The following PDXDC1 variants were observed in gnomAD, a reference collection of about 807,000 sequenced individuals.
PDXDC1 encodes pyridoxal-dependent decarboxylase domain-containing protein 1.
Under a neutral mutation model 100.1 loss-of-function variants are expected in PDXDC1, and 42 were observed. The observed-to-expected ratio is 0.42, with a 90% CI of 0.33 to 0.54. PDXDC1 has a LOEUF of 0.54. PDXDC1 is among the 20% of genes least tolerant of loss of function. The probability of loss-of-function intolerance (pLI) is 0.10; values close to 1 mark genes in which losing one functional copy is unlikely to be tolerated. For missense variants in PDXDC1, 636 were observed against 979.2 expected (o/e 0.65, Z 4.68); for synonymous variants, 260 against 371.7 (o/e 0.70, Z 3.46).
At position 15,037,546 on chromosome 16, in the gene PDXDC1, TGGGG is replaced by T. The variant is rs1184854162; in HGVS notation, c.*1273_*1276del. On this transcript the variant is annotated 3_prime_UTR_variant, in exon 23 of 23. Coordinates refer to ENST00000396410, the MANE Select transcript of PDXDC1 (RefSeq NM_015027.4). ...GTGCAATGAAGTATAGCAGATAAAATGGGGGAGGGGTAAATTATCACCTTCAAGA... is the reference window on the plus strand; with the variant it reads ...GTGCAATGAAGTATAGCAGATAAAATGAGGGGTAAATTATCACCTTCAAGA... 2.6e-5 allele frequency: 4 copies of T among 153,442 alleles called. No individual in the cohort carries two copies. The highest frequency in any genetic ancestry group is 9.7e-5 in the African/African-American group (4 of 41,378). 9.5% of individuals were successfully genotyped at this position (153,442 alleles called of 1,614,324 possible).
intron 8 of PDXDC1, among the ~76,000 whole-genome samples, chr16:15,013,362 A>G (rs1453697863): frequency 6.6e-6 from 1 of 150,958 alleles, no homozygotes; most frequent in East Asian, 2.0e-4. Context: ...AAAAAAAGAA[A>G]AAAAAAAAAA....
chr16:15,058,953 T>C (rs1235534677), intron 16 of PDXDC1, among the ~76,000 whole-genome samples: 1 of 152,180 alleles, frequency 6.6e-6, no homozygotes, highest in Non-Finnish European at 1.5e-5. Context: ...AGATACATTA[T>C]AAATCCTACT....
chr16:14,993,268 A>G (rs533876691), intron 1 of PDXDC1, among the ~76,000 whole-genome samples: 14 of 150,188 alleles, frequency 9.3e-5, no homozygotes, highest in Admixed American at 3.3e-4. Context: ...CATTAGTTAT[A>G]TCTCCTAATG....
chr16:15,063,704 C>CA (rs10664930), intron 16 of PDXDC1, among the ~76,000 whole-genome samples: 48,085 of 88,930 alleles, frequency 0.54, 13,574 homozygotes, highest in South Asian at 0.66. Flanking sequence ...GACTCTGTCT[C>CA]AAAAAAAAAA....
chr16:15,146,233 C>T, the PDXDC1 span, among the ~76,000 whole-genome samples: 3 of 152,144 alleles, frequency 2.0e-5, no homozygotes, highest in Admixed American at 2.0e-4. Context: ...GAAGAGCCAA[C>T]AGAAAGCCGG....
chr16:15,027,737 C>G (rs1382570734), intron 14 of PDXDC1, among the ~76,000 whole-genome samples: 1 of 152,290 alleles, frequency 6.6e-6, no homozygotes, highest in Non-Finnish European at 1.5e-5. Context: ...CATGACCAGC[C>G]GCTTGTGTCT....
chr16:15,124,627 C>T (rs1161371176), intron 16 of PDXDC1, among the ~76,000 whole-genome samples: 3 of 149,636 alleles, frequency 2.0e-5, no homozygotes, highest in Non-Finnish European at 3.0e-5. Context: ...CAAAAATTAG[C>T]CGGGTGCGGT....
downstream of PDXDC1, chr16:15,038,800 C>T: frequency 1.6e-6 from 1 of 613,816 alleles, no homozygotes; most frequent in East Asian, 2.8e-5. Flanking sequence ...GCCTAAGCTT[C>T]TTAAAACCTG....
chr16:15,026,192 C>CTCT (rs2042588298), intron 13 of PDXDC1: 1 of 170,474 alleles, frequency 5.9e-6, no homozygotes, highest in Admixed American at 6.3e-5. Flanking sequence ...TAATTGAGGC[C>CTCT]AAGAGTTCAA....
intron 8 of PDXDC1, among the ~76,000 whole-genome samples, chr16:15,011,631 C>CTTTTTTTTTTTTTTTTTTTTTTTTTTTTT: frequency 8.4e-5 from 11 of 131,304 alleles, no homozygotes; most frequent in Non-Finnish European, 1.3e-4. Flanking sequence ...ACATTTTTTT[C>CTTTTTTTTTTTTTTTTTTTTTTTTTTTTT]TTTTTTTTTT....
intron 5 of PDXDC1, among the ~76,000 whole-genome samples, chr16:15,006,077 G>T (rs1323253827): frequency 2.0e-5 from 3 of 152,296 alleles, no homozygotes; most frequent in Non-Finnish European, 2.9e-5. Flanking sequence ...TCCAGTGCTG[G>T]CCTTAGTTCA....
chr16:15,122,098 A>T (rs1391607067), intron 16 of PDXDC1, among the ~76,000 whole-genome samples: 1 of 151,698 alleles, frequency 6.6e-6, no homozygotes, highest in East Asian at 1.9e-4. Context: ...CCGGAAGCGG[A>T]GGTTGCAGTG....
chr16:14,991,267 A>ATGTGTG (rs10642182), intron 1 of PDXDC1, among the ~76,000 whole-genome samples: 5,094 of 149,230 alleles, frequency 0.034, 12 homozygotes, highest in East Asian at 0.067. Context: ...GTATATAGAT[A>ATGTGTG]TGTGTGTGTG....
chr16:15,023,852 G>A (rs2042384899), intron 13 of PDXDC1, among the ~76,000 whole-genome samples: 1 of 152,266 alleles, frequency 6.6e-6, no homozygotes, highest in Non-Finnish European at 1.5e-5. Context: ...AGTGCCACAG[G>A]GTGGCCCTGT....
At chr16:15,004,617 G>T (rs1973877812) in intron 5 of PDXDC1, among the ~76,000 whole-genome samples, 1 of 152,242 alleles carries the variant, frequency 6.6e-6, no homozygotes. Flanking sequence ...TATTTGTGGG[G>T]TATCTAATTG....
rs1465741735 is a variant in PDXDC1 at position 15,037,971 on chromosome 16, G to T, written c.*1696G>T. On this transcript the variant is annotated 3_prime_UTR_variant, in exon 23 of 23. Transcript: ENST00000396410. ...ATGTAGGATCCAGATCTGGATTCGT[G>T]CCAGCCCCACCAATGGTCTGTCAGG... 2 of 1,307,300 alleles carry T rather than the reference G, an allele frequency of 1.5e-6. No homozygotes were observed. Among genetic ancestry groups the T allele is most frequent in the Non-Finnish European group, 2.2e-6 (2 of 917,840 alleles). The allele number at this position is 1,307,300 out of a possible 1,614,324, so 81.0% of individuals were successfully genotyped here. A position where few individuals can be genotyped will look rare whatever the true frequency, so the allele number is the denominator to read the frequency against.
intron 16 of PDXDC1, chr16:15,108,274 G>C (rs1003357898): frequency 1.1e-6 from 1 of 916,866 alleles, no homozygotes; most frequent in African/African-American, 1.8e-5. Context: ...GATCTCACCT[G>C]ATACTTGGTT....
chr16:15,067,948 T>C (rs371338505), intron 16 of PDXDC1, among the ~76,000 whole-genome samples: 2 of 151,764 alleles, frequency 1.3e-5, no homozygotes, highest in African/African-American at 4.8e-5. Context: ...TTTGTAGAGA[T>C]AGGGTCTCAC....
At chr16:15,072,495 C>G (rs2045278964) in intron 16 of PDXDC1, among the ~76,000 whole-genome samples, 1 of 152,068 alleles carries the variant, frequency 6.6e-6, no homozygotes, top group South Asian at 2.1e-4. Context: ...TGTTTTCTCT[C>G]CAAGTGTACT....
Sources: gnomAD v4.1 joint callset for allele counts (sites outside exome capture counted in the v4.1 genomes callset) on GRCh38, gnomAD v4.1.1 for gene constraint, MANE v1.5 for transcripts, NCBI Gene and HGNC (gene_info 2026-07-23, HGNC 2026-07-21) for gene names.